Variants in COL5A2 observed in about 807,000 individuals in gnomAD.
The protein encoded by COL5A2 is collagen alpha-2(V) chain.
Under a neutral mutation model 208.2 loss-of-function variants are expected in COL5A2, and 23 were observed. The observed-to-expected ratio is 0.11, with a 90% CI of 0.08 to 0.16. The LOEUF (loss-of-function observed/expected upper bound fraction) is 0.16, where lower values mean the gene tolerates loss of function less well. Among genes scored for constraint, COL5A2 ranks in the 10% least tolerant of loss-of-function variants. The probability of loss-of-function intolerance (pLI) is 1.00; values close to 1 mark genes in which losing one functional copy is unlikely to be tolerated. For missense variants in COL5A2, 1,590 were observed against 1,956.4 expected (o/e 0.81, Z 3.53); for synonymous variants, 625 against 628.5 (o/e 0.99, Z 0.08).
upstream of COL5A2, among the ~76,000 whole-genome samples, chr2:189,181,629 T>C (rs1382639060): frequency 6.6e-6 from 1 of 152,198 alleles, no homozygotes; most frequent in Non-Finnish European, 1.5e-5. Flanking sequence ...GCAGCATTTT[T>C]ACTGAAGTGC....
the COL5A2 span, among the ~76,000 whole-genome samples, chr2:189,319,879 C>T: frequency 6.6e-6 from 1 of 152,248 alleles, no homozygotes; most frequent in Non-Finnish European, 1.5e-5. Flanking sequence ...AAGTGGGTCC[C>T]TGACCCCCAG....
chr2:189,191,163 C>CCAAAAAAAAAAAAAAAAAAAAAAAA (rs748055610), intron 1 of COL5A2, among the ~76,000 whole-genome samples: 32 of 72,182 alleles, frequency 4.4e-4, no homozygotes, highest in Non-Finnish European at 7.8e-4. Flanking sequence ...AAAAAACAAA[C>CCAAAAAAAAAAAAAAAAAAAAAAAA]AAACAACAAA....
chr2:189,315,107 C>T, the COL5A2 span, among the ~76,000 whole-genome samples: 1 of 152,136 alleles, frequency 6.6e-6, no homozygotes, highest in African/African-American at 2.4e-5. Context: ...GATACCCAAA[C>T]CTGGGAGAGA....
the COL5A2 span, among the ~76,000 whole-genome samples, chr2:189,249,360 T>C: frequency 6.6e-6 from 1 of 152,214 alleles, no homozygotes; most frequent in Admixed American, 6.5e-5. Context: ...CAGTGTATGT[T>C]ATGGCAAAAC....
At chr2:189,302,244 C>T in the COL5A2 span, among the ~76,000 whole-genome samples, 2 of 152,086 alleles carry the variant, frequency 1.3e-5, no homozygotes, top group East Asian at 1.9e-4. Flanking sequence ...GAGATGTAAA[C>T]ATCTCCCAAT....
chr2:189,234,555 G>A, the COL5A2 span, among the ~76,000 whole-genome samples: 106 of 151,862 alleles, frequency 7.0e-4, 3 homozygotes, highest in Middle Eastern at 3.4e-3. Context: ...AGAGTTGACA[G>A]CCTGGTTACA....
At chr2:189,323,903 G>A in the COL5A2 span, among the ~76,000 whole-genome samples, 3 of 152,078 alleles carry the variant, frequency 2.0e-5, no homozygotes, top group African/African-American at 4.8e-5. Flanking sequence ...GAGGCATCAC[G>A]CTACCTGACT....
chr2:189,044,266 G>A (rs1182975155), intron 47 of COL5A2, among the ~76,000 whole-genome samples: 2 of 152,026 alleles, frequency 1.3e-5, no homozygotes, highest in African/African-American at 4.8e-5. Flanking sequence ...TTATCATACA[G>A]TATAGGAACC....
At chr2:189,360,435 C>A in the COL5A2 span, among the ~76,000 whole-genome samples, 1 of 152,046 alleles carries the variant, frequency 6.6e-6, no homozygotes, top group African/African-American at 2.4e-5. Context: ...TGTTGTGTTT[C>A]CATTTTCATT....
intron 50 of COL5A2, among the ~76,000 whole-genome samples, 178 bp downstream of exon 50, chr2:189,041,408 C>T (rs1406773916): frequency 6.6e-6 from 1 of 152,128 alleles, no homozygotes; most frequent in Non-Finnish European, 1.5e-5. Context: ...ATTTTATGTG[C>T]TCTAACTTAT....
the COL5A2 span, among the ~76,000 whole-genome samples, chr2:189,384,759 C>A: frequency 6.6e-6 from 1 of 151,978 alleles, no homozygotes; most frequent in Non-Finnish European, 1.5e-5. Context: ...TGATGTGATC[C>A]CATTTGTCCA....
At chr2:189,131,311 A>G (rs557593013) in intron 1 of COL5A2, among the ~76,000 whole-genome samples, 3 of 152,216 alleles carry the variant, frequency 2.0e-5, no homozygotes, top group Admixed American at 6.5e-5. Flanking sequence ...AAAATGGAAC[A>G]ATAAGTTTCT....
chr2:189,317,928 T>C, the COL5A2 span, among the ~76,000 whole-genome samples: 2 of 152,196 alleles, frequency 1.3e-5, no homozygotes, highest in Non-Finnish European at 2.9e-5. Flanking sequence ...CTAAATGTGA[T>C]CATAATTTTA....
chr2:189,301,785 T>G, the COL5A2 span, among the ~76,000 whole-genome samples: 3 of 152,198 alleles, frequency 2.0e-5, no homozygotes, highest in Non-Finnish European at 4.4e-5. Flanking sequence ...AATATTCATA[T>G]TGTTGTATCT....
chr2:189,389,031 G>A, the COL5A2 span, among the ~76,000 whole-genome samples: 11 of 152,154 alleles, frequency 7.2e-5, no homozygotes, highest in East Asian at 5.8e-4. Context: ...GGTATCACCC[G>A]GTTCTAATGT....
At chr2:189,412,124 C>CT in the COL5A2 span, among the ~76,000 whole-genome samples, 2 of 152,242 alleles carry the variant, frequency 1.3e-5, no homozygotes, top group African/African-American at 4.8e-5. Context: ...AGAGGCCTGT[C>CT]TGCAAAAGAA....
At chr2:189,052,827 A>G (rs1458519490) in intron 39 of COL5A2, 25 bp from the exon 40 acceptor site, 3 of 1,613,856 alleles carry the variant, frequency 1.9e-6, no homozygotes, top group South Asian at 2.2e-5. Flanking sequence ...ACAAAAGAGC[A>G]CTATAGTGAA....
chr2:189,305,205 C>A, the COL5A2 span, among the ~76,000 whole-genome samples: 1 of 152,170 alleles, frequency 6.6e-6, no homozygotes, highest in Non-Finnish European at 1.5e-5. Context: ...CCAGTAGTGG[C>A]ATGTGAATAA....
chr2:189,086,554 A>T (rs1481981132), intron 9 of COL5A2, among the ~76,000 whole-genome samples, 172 bp downstream of exon 9: 1 of 152,258 alleles, frequency 6.6e-6, no homozygotes, highest in African/African-American at 2.4e-5. Flanking sequence ...TTGCAAAGAC[A>T]TGTGGCATAT....
Sources: allele counts gnomAD v4.1 joint callset (sites outside exome capture counted in the v4.1 genomes callset), GRCh38; gene constraint gnomAD v4.1.1; transcripts MANE v1.5; gene names NCBI Gene and HGNC (gene_info 2026-07-23, HGNC 2026-07-21).